The following CFAP161 variants were observed in gnomAD, a reference collection of about 807,000 sequenced individuals.
CFAP161 encodes the protein cilia and flagella associated protein 161, also known as cilia- and flagella-associated protein 161.
A neutral mutation model predicts 29.0 loss-of-function variants in CFAP161; 25 were observed. The ratio of observed to expected loss-of-function variants is 0.86; its 90% confidence interval spans 0.63 to 1.20. The LOEUF (loss-of-function observed/expected upper bound fraction) is 1.20, where lower values mean the gene tolerates loss of function less well. Among genes scored for constraint, CFAP161 ranks in the 50% most tolerant of loss-of-function variants. The probability of loss-of-function intolerance (pLI) is 0.00; values close to 1 mark genes in which losing one functional copy is unlikely to be tolerated. For synonymous variants in CFAP161, 116 were observed against 137.4 expected, an observed-to-expected ratio of 0.84 and a Z score of 1.09; for missense variants, 367 against 371.9, an observed-to-expected ratio of 0.99 and a Z score of 0.11.
chr15:81,146,509 A>G (rs1895008083), intron 5 of CFAP161, among the ~76,000 whole-genome samples: 1 of 151,900 alleles, frequency 6.6e-6, no homozygotes, highest in Non-Finnish European at 1.5e-5. Flanking sequence ...CTCCAATATA[A>G]CTTTGAGTGA....
intron 2 of CFAP161, 80 bp from the exon 3 acceptor site, chr15:81,136,436 C>G: frequency 7.8e-7 from 1 of 1,288,610 alleles, no homozygotes; most frequent in Non-Finnish European, 1.1e-6. Context: ...GGTACTAGTC[C>G]GAGAAGGAAG....
intron 1 of CFAP161, among the ~76,000 whole-genome samples, chr15:81,108,372 T>G (rs1337492368): frequency 1.3e-5 from 2 of 151,632 alleles, no homozygotes; most frequent in Non-Finnish European, 2.9e-5. Context: ...CAACAGGAGA[T>G]GAATGGGTCA....
chr15:81,146,867 T>A (rs1226571733), intron 5 of CFAP161, among the ~76,000 whole-genome samples: 1 of 94,894 alleles, frequency 1.1e-5, no homozygotes, highest in Non-Finnish European at 2.1e-5. Flanking sequence ...TATATATATA[T>A]ATATATATAT....
At chr15:81,140,064 C>G (rs1030625147) in intron 4 of CFAP161, among the ~76,000 whole-genome samples, 1 of 151,962 alleles carries the variant, frequency 6.6e-6, no homozygotes, top group East Asian at 1.9e-4. Context: ...TTCTTTCTCC[C>G]TCCCTCTCCT....
At chr15:81,116,443 G>A (rs559928077) in intron 1 of CFAP161, among the ~76,000 whole-genome samples, 78 of 152,280 alleles carry the variant, frequency 5.1e-4, no homozygotes, top group Non-Finnish European at 8.8e-4. Flanking sequence ...ACAGGCGCAC[G>A]CCATAACGCC....
chr15:81,143,142 C>T (rs1236475513), intron 4 of CFAP161, among the ~76,000 whole-genome samples: 1 of 151,880 alleles, frequency 6.6e-6, no homozygotes, highest in Non-Finnish European at 1.5e-5. Flanking sequence ...GGGATCCTAG[C>T]TCTACAACAA....
chr15:81,139,630 A>G (rs1894872049), intron 4 of CFAP161, among the ~76,000 whole-genome samples: 2 of 152,174 alleles, frequency 1.3e-5, no homozygotes, highest in African/African-American at 2.4e-5. Context: ...TCTTTCTTCT[A>G]CTTTTGGGCA....
chr15:81,143,076 G>A (rs1894939735), intron 4 of CFAP161, among the ~76,000 whole-genome samples: 1 of 152,210 alleles, frequency 6.6e-6, no homozygotes. Context: ...ACTTTGGGAG[G>A]CTGAGGTGGG....
chr15:81,116,287 T>C (rs1369579944), intron 1 of CFAP161, among the ~76,000 whole-genome samples: 1 of 152,136 alleles, frequency 6.6e-6, no homozygotes, highest in Non-Finnish European at 1.5e-5. Context: ...TTTAAAAATT[T>C]TATTTTATTA....
intron 5 of CFAP161, among the ~76,000 whole-genome samples, chr15:81,146,212 A>G (rs1386763065): frequency 6.6e-6 from 1 of 152,214 alleles, no homozygotes; most frequent in East Asian, 1.9e-4. Flanking sequence ...CCTACTTGTC[A>G]GTGCCAGGCC....
At chr15:81,114,175 T>G (rs1894469306) in intron 1 of CFAP161, among the ~76,000 whole-genome samples, 1 of 152,194 alleles carries the variant, frequency 6.6e-6, no homozygotes, top group South Asian at 2.1e-4. Context: ...AACGTGGGTT[T>G]GTTTCCAGAC....
chr15:81,100,261 T>TTTTTTTTTTTTTTTTTTTTGTG (rs1894287379), intron 1 of CFAP161, among the ~76,000 whole-genome samples: 1 of 144,926 alleles, frequency 6.9e-6, no homozygotes, highest in Non-Finnish European at 1.6e-5. Context: ...TATTTCATCT[T>TTTTTTTTTTTTTTTTTTTTGTG]AGTTCTAAGT....
intron 1 of CFAP161, among the ~76,000 whole-genome samples, chr15:81,122,896 C>T (rs1894593712): frequency 6.6e-6 from 1 of 151,860 alleles, no homozygotes; most frequent in South Asian, 2.1e-4. Flanking sequence ...TTTGTTTTTT[C>T]TTGTAAGTTC....
rs200232799 is a variant in CFAP161 at position 81,136,705 on chromosome 15, C to A, written c.349C>A (p.Gln117Lys). Reference sequence around the variant, plus strand: ...GGTACCCTGTGGCCTGAGCGCAGTTCAAGCCAAGACCCCAATTGGCAGAAA... The same window carrying A: ...GGTACCCTGTGGCCTGAGCGCAGTTAAAGCCAAGACCCCAATTGGCAGAAA... ...LEVPCGLSAVQAKTPIGRNTF... is the reference protein window; with the variant it reads ...LEVPCGLSAVKAKTPIGRNTF... The change falls in exon 3 of 7, where the codon CAA (glutamine) becomes AAA (lysine). Residue 117 changes from glutamine (Q) to lysine (K), a missense_variant. By Grantham distance (53) the Gln-to-Lys change is moderately conservative (BLOSUM62 1). Coordinates refer to ENST00000286732, the MANE Select transcript of CFAP161 (RefSeq NM_173528.4). 3 of 1,614,120 alleles carry A rather than the reference C, an allele frequency of 1.9e-6. No individual in the cohort carries two copies. The highest frequency in any genetic ancestry group is 2.5e-6 in the Non-Finnish European group (3 of 1,180,020).
Position 81,103,916 on chromosome 15 carries a change from G to A in CFAP161, c.-141-23674G>A, listed in dbSNP as rs143148972. Among the ~76,000 whole-genome samples, 630 of 152,246 alleles carry A rather than the reference G, an allele frequency of 4.1e-3. 3 individuals carry two copies. The highest frequency in any genetic ancestry group is 0.015 in the African/African-American group (610 of 41,534). On this transcript the variant is annotated intron_variant, in intron 1 of 4. Coordinates refer to the CFAP161 transcript ENST00000560091. ...CTGGTGTCCGCTGCTTGGTGAATGG[G>A]GGAAAACCCCCTCATGTTTGGTCAC...
chr15:81,126,160 T>C (rs924028013), intron 1 of CFAP161, among the ~76,000 whole-genome samples: 2 of 152,160 alleles, frequency 1.3e-5, no homozygotes, highest in African/African-American at 4.8e-5. Flanking sequence ...CGAGCCACCA[T>C]GCCCGGCCAA....
At chr15:81,136,153 A>G (rs1304402293) in intron 2 of CFAP161, among the ~76,000 whole-genome samples, 1 of 152,266 alleles carries the variant, frequency 6.6e-6, no homozygotes, top group Non-Finnish European at 1.5e-5. Flanking sequence ...TTAGAAACAT[A>G]AACAGTCTGC....
chr15:81,105,103 TCC>T (rs1894346723), intron 1 of CFAP161, among the ~76,000 whole-genome samples: 12 of 34,442 alleles, frequency 3.5e-4, no homozygotes, highest in African/African-American at 7.6e-4. Flanking sequence ...CCTCCCTCCC[TCC>T]CTTCCTTTCT....
chr15:81,110,590 C>T (rs757804409), intron 1 of CFAP161, among the ~76,000 whole-genome samples: 3 of 152,122 alleles, frequency 2.0e-5, no homozygotes, highest in Non-Finnish European at 2.9e-5. Flanking sequence ...GGGTCCATGC[C>T]GGCATTCCCA....
Sources: gnomAD v4.1 joint callset for allele counts (sites outside exome capture counted in the v4.1 genomes callset) on GRCh38, gnomAD v4.1.1 for gene constraint, MANE v1.5 for transcripts, NCBI Gene and HGNC (gene_info 2026-07-23, HGNC 2026-07-21) for gene names.